The following TENM3 variants were observed in gnomAD, a reference collection of about 807,000 sequenced individuals.
TENM3 encodes the protein teneurin transmembrane protein 3.
In TENM3, 63 loss-of-function variants were observed where a neutral mutation model predicts 255.1. The ratio of observed to expected loss-of-function variants is 0.25; its 90% CI spans 0.20 to 0.30. The LOEUF (loss-of-function observed/expected upper bound fraction) is 0.30. Among genes scored for constraint, TENM3 ranks in the 10% least tolerant of loss-of-function variants. The pLI is 1.00. For synonymous variants in TENM3, 1,306 were observed against 1,322.3 expected (o/e 0.99, Z 0.27); for missense variants, 2,929 against 3,461.1 (o/e 0.85, Z 3.86).
Position 182,789,301 on chromosome 4 carries a change from G to A in TENM3, c.5513G>A (p.Ser1838Asn), listed in dbSNP as rs754524648. 31 of 1,613,736 alleles carry A rather than the reference G, an allele frequency of 1.9e-5. No homozygotes were observed. The East Asian group carries it at 6.2e-4, about 32-fold the overall frequency. Residue 1838 changes from serine to asparagine, a missense_variant, in exon 25 of 28, where the codon AGC (serine) becomes AAC (asparagine). By Grantham distance (46) the Ser-to-Asn change is conservative (BLOSUM62 1). This residue lies in a region of TENM3 where 303 missense variants were observed against 425.2 expected (regional missense o/e 0.71). Coordinates refer to ENST00000511685, the MANE Select transcript of TENM3 (RefSeq NM_001080477.4). This position sits in a 1 kb window ranked among gnomAD's most constrained non-coding sequence, Gnocchi z 4.4. ...GCCAGCATCCAGCGAGGCACCACTA[G>A]CGAGAAAGTAGATTATGACGGACAG... ...QIASIQRGTT[S>N]EKVDYDGQGR...
chr4:181,451,426 G>A, the TENM3 span, among the ~76,000 whole-genome samples: 2 of 152,140 alleles, frequency 1.3e-5, no homozygotes, highest in Non-Finnish European at 2.9e-5. Flanking sequence ...ACCATTAGAG[G>A]AATCTAGGTA....
the TENM3 span, among the ~76,000 whole-genome samples, chr4:181,659,752 T>C: frequency 6.6e-6 from 1 of 152,200 alleles, no homozygotes; most frequent in Non-Finnish European, 1.5e-5. Flanking sequence ...GGTTTCCCCT[T>C]AGCCCCAGAT....
intron 3 of TENM3, among the ~76,000 whole-genome samples, chr4:182,446,325 C>A (rs1561454908): frequency 6.6e-6 from 1 of 152,150 alleles, no homozygotes; most frequent in African/African-American, 2.4e-5. Flanking sequence ...TTTTGCCTAA[C>A]CTGTATGTAA....
the TENM3 span, among the ~76,000 whole-genome samples, chr4:181,919,399 G>GTA: frequency 6.6e-6 from 1 of 151,912 alleles, no homozygotes; most frequent in African/African-American, 2.4e-5. Context: ...GTGTGTGTGT[G>GTA]TGTCTGGTGT....
chr4:181,508,668 T>A, the TENM3 span, among the ~76,000 whole-genome samples: 7 of 152,274 alleles, frequency 4.6e-5, no homozygotes, highest in East Asian at 1.4e-3. Flanking sequence ...AACTGCTAAT[T>A]GTCACATGGC....
the TENM3 span, among the ~76,000 whole-genome samples, chr4:181,595,256 C>A: frequency 4.0e-5 from 6 of 151,788 alleles, no homozygotes; most frequent in Non-Finnish European, 7.4e-5. Flanking sequence ...CATGGTGAAA[C>A]CCCATCTGTA....
intron 3 of TENM3, among the ~76,000 whole-genome samples, chr4:182,524,837 C>G (rs1268959321): frequency 4.0e-5 from 1 of 24,724 alleles, no homozygotes; most frequent in Non-Finnish European, 8.2e-5. Context: ...AACTCTGTCT[C>G]TACAAAAAAA....
intron 3 of TENM3, among the ~76,000 whole-genome samples, chr4:182,514,486 A>C (rs76226332): frequency 0.021 from 3,132 of 152,284 alleles, 61 homozygotes; most frequent in East Asian, 0.061. Context: ...GCAGTTATGA[A>C]GATGTGTCCT....
At chr4:182,448,081 A>G (rs926325759) in intron 3 of TENM3, among the ~76,000 whole-genome samples, 1 of 152,210 alleles carries the variant, frequency 6.6e-6, no homozygotes, top group Non-Finnish European at 1.5e-5. Context: ...TATCATGGAG[A>G]GTGGCTCGGG....
the TENM3 span, among the ~76,000 whole-genome samples, chr4:181,517,846 T>G: frequency 6.6e-6 from 1 of 152,210 alleles, no homozygotes; most frequent in Non-Finnish European, 1.5e-5. Context: ...TTGGATAATA[T>G]CTTGGTGTAT....
intron 2 of TENM3, among the ~76,000 whole-genome samples, chr4:182,328,620 G>A (rs1322084339): frequency 6.6e-6 from 1 of 152,122 alleles, no homozygotes; most frequent in African/African-American, 2.4e-5. Flanking sequence ...AAGAAGGAAG[G>A]CAGTTTGAGA....
chr4:181,462,022 A>G, the TENM3 span, among the ~76,000 whole-genome samples: 2 of 152,182 alleles, frequency 1.3e-5, no homozygotes, highest in Non-Finnish European at 2.9e-5. Context: ...TCCTGGGTAC[A>G]GTTCAGTTAC....
chr4:181,689,680 C>G, the TENM3 span, among the ~76,000 whole-genome samples: 5 of 152,128 alleles, frequency 3.3e-5, no homozygotes, highest in Admixed American at 2.6e-4. Flanking sequence ...TTTCTTTCAG[C>G]CTTTCACTAA....
At position 182,397,398 on chromosome 4, in the gene TENM3, T is replaced by TAAAAAAAA. The variant is rs144177808; in HGVS notation, c.511+50493_511+50500dup. On this transcript the variant is annotated intron_variant, in intron 3 of 27. Coordinates refer to ENST00000511685, the MANE Select transcript of TENM3 (RefSeq NM_001080477.4). ...CCTGGTGACAGAGCGAGACTCCATCTAAAAAAAAAAAAAAAAAAAAAAAAA... is the reference window on the plus strand; with the variant it reads ...CCTGGTGACAGAGCGAGACTCCATCTAAAAAAAAAAAAAAAAAAAAAAAAAAAAAAAAA... Among the ~76,000 whole-genome samples, 13 of 48,978 alleles carry TAAAAAAAA rather than the reference T, an allele frequency of 2.7e-4. 1 individual carries two copies. In the East Asian group the frequency reaches 3.3e-3, roughly 12 times the overall value. 32.1% of individuals were successfully genotyped at this position (48,978 alleles called of 152,430 possible).
intron 3 of TENM3, among the ~76,000 whole-genome samples, chr4:182,435,459 C>T (rs926679344): frequency 1.3e-5 from 2 of 152,066 alleles, no homozygotes; most frequent in Non-Finnish European, 2.9e-5. Flanking sequence ...AGAAAAAAGA[C>T]GGGGGATCCT....
At chr4:181,740,743 A>G in the TENM3 span, among the ~76,000 whole-genome samples, 1 of 152,142 alleles carries the variant, frequency 6.6e-6, no homozygotes, top group Non-Finnish European at 1.5e-5. Context: ...GTTTCAGAAA[A>G]TATCTAGGGG....
the TENM3 span, among the ~76,000 whole-genome samples, chr4:181,763,783 A>G: frequency 6.6e-6 from 1 of 152,224 alleles, no homozygotes; most frequent in African/African-American, 2.4e-5. Context: ...TTCTAAAACA[A>G]AGTCAAAATT....
the TENM3 span, among the ~76,000 whole-genome samples, chr4:181,483,525 A>G: frequency 6.6e-6 from 1 of 152,176 alleles, no homozygotes; most frequent in African/African-American, 2.4e-5. Context: ...TGAAAACAAA[A>G]GATATGTAAT....
At chr4:182,567,850 A>C (rs979080369) in intron 3 of TENM3, among the ~76,000 whole-genome samples, 21 of 151,786 alleles carry the variant, frequency 1.4e-4, no homozygotes, top group Non-Finnish European at 2.5e-4. Flanking sequence ...TCCAAAAAAA[A>C]AAAAAAAAAC....
Sources: gnomAD v4.1 joint callset for allele counts (sites outside exome capture counted in the v4.1 genomes callset) on GRCh38, gnomAD v4.1.1 for gene constraint, gnomAD v4.1.1 regional missense constraint, Gnocchi (gnomAD v3.1) non-coding constraint, MANE v1.5 for transcripts, NCBI Gene and HGNC (gene_info 2026-07-23, HGNC 2026-07-21) for gene names.